The following NTRK3 variants were observed in gnomAD, a reference collection of about 807,000 sequenced individuals.
NTRK3 encodes NT-3 growth factor receptor.
In NTRK3, 24 loss-of-function variants were observed where a neutral mutation model predicts 91.7. The ratio of observed to expected loss-of-function variants is 0.26; its 90% confidence interval spans 0.19 to 0.37. NTRK3 has a LOEUF of 0.37. NTRK3 is among the 10% of genes least tolerant of loss of function. The pLI is 1.00. For missense variants in NTRK3, 880 were observed against 1,068.9 expected, an observed-to-expected ratio of 0.82 and a Z score of 2.46; for synonymous variants, 483 against 404.0, an observed-to-expected ratio of 1.20 and a Z score of -2.34.
chr15:88,134,251 C>A (rs759568638), intron 10 of NTRK3, among the ~76,000 whole-genome samples: 1 of 152,136 alleles, frequency 6.6e-6, no homozygotes, highest in Non-Finnish European at 1.5e-5. Flanking sequence ...TTATCAATTG[C>A]GGAACCCACA....
At chr15:87,920,235 A>C (rs540598874) in intron 17 of NTRK3, among the ~76,000 whole-genome samples, 1 of 152,342 alleles carries the variant, frequency 6.6e-6, no homozygotes, top group African/African-American at 2.4e-5. Flanking sequence ...AGGTTGTAAT[A>C]CTTATAATTA....
At chr15:88,140,584 T>G (rs538261716) in intron 6 of NTRK3, among the ~76,000 whole-genome samples, 7 of 152,288 alleles carry the variant, frequency 4.6e-5, no homozygotes, top group Admixed American at 4.6e-4. Context: ...ATCTACCAAT[T>G]AGAAATTAAC....
chr15:87,993,565 A>G (rs2075446621), intron 14 of NTRK3, among the ~76,000 whole-genome samples: 1 of 152,212 alleles, frequency 6.6e-6, no homozygotes, highest in African/African-American at 2.4e-5. Flanking sequence ...ACTCATACAC[A>G]GAGACACACA....
chr15:88,097,524 C>T (rs1027254023), intron 13 of NTRK3, among the ~76,000 whole-genome samples: 7 of 152,164 alleles, frequency 4.6e-5, no homozygotes, highest in African/African-American at 1.4e-4. Flanking sequence ...TTTATCCTCA[C>T]GCTTAATATA....
chr15:87,995,495 G>A (rs2075621282), intron 14 of NTRK3, among the ~76,000 whole-genome samples: 1 of 152,156 alleles, frequency 6.6e-6, no homozygotes, highest in African/African-American at 2.4e-5. Context: ...AGCCATAGTG[G>A]GGAAGTACAA....
At chr15:87,875,073 C>T (rs1413459840) in exon 19 of NTRK3, 1 of 230,656 alleles carries the variant, frequency 4.3e-6, no homozygotes, top group Non-Finnish European at 8.6e-6. Context: ...AAACCACAAA[C>T]ACATAATTCA....
rs559770246 is a variant in NTRK3, at chr15:88,242,958, A to G, written c.248+12948T>C. Among the ~76,000 whole-genome samples the G allele has an allele frequency of 1.1e-4, 16 of 152,184 alleles. 2 individuals carry two copies. In the South Asian group the frequency reaches 3.3e-3, roughly 32 times the overall value. On this transcript the variant is annotated intron_variant, in intron 3 of 18. Transcript: ENST00000394480. The stretch of plus-strand genomic sequence containing the variant: ...CAGAATATGAGGCCGCCCCTCCAAC[A>G]CCTGCCCTAGGGATGGGAGCCAGAA...
chr15:88,002,437 G>A (rs575094128), intron 14 of NTRK3, among the ~76,000 whole-genome samples: 11 of 152,162 alleles, frequency 7.2e-5, no homozygotes, highest in African/African-American at 1.9e-4. Context: ...CATCCCTGAT[G>A]ACTAAGATTG....
intron 14 of NTRK3, among the ~76,000 whole-genome samples, chr15:88,027,804 T>C (rs1275208678): frequency 6.6e-6 from 1 of 152,120 alleles, no homozygotes; most frequent in Non-Finnish European, 1.5e-5. Flanking sequence ...ACACTAGGAA[T>C]AAACTCAAAG....
At chr15:88,227,320 C>T (rs2050758740) in intron 3 of NTRK3, among the ~76,000 whole-genome samples, 1 of 152,174 alleles carries the variant, frequency 6.6e-6, no homozygotes, top group African/African-American at 2.4e-5. Flanking sequence ...CTCCTCACCC[C>T]CAACATAAAA....
At chr15:88,104,103 G>T (rs1003031379) in intron 13 of NTRK3, among the ~76,000 whole-genome samples, 1 of 152,174 alleles carries the variant, frequency 6.6e-6, no homozygotes, top group African/African-American at 2.4e-5. Flanking sequence ...CTGATCCTGG[G>T]TCAGAGAATA....
chr15:88,089,887 T>C lies in NTRK3; in HGVS notation c.1396+36384A>G, dbSNP rs911582417. ...CTGCTTAAATGGCTGCCAGGGTCTTTGCCATAGCCTAGAAGACCCTATGTG... is the reference window on the plus strand; with the variant it reads ...CTGCTTAAATGGCTGCCAGGGTCTTCGCCATAGCCTAGAAGACCCTATGTG... On this transcript the variant is annotated intron_variant, in intron 13 of 18. Coordinates refer to ENST00000394480, the Ensembl canonical transcript of NTRK3. Among the ~76,000 whole-genome samples, 2 of 152,190 alleles carry C rather than the reference T, an allele frequency of 1.3e-5. 1 individual carries two copies. The highest frequency in any genetic ancestry group is 1.3e-4 in the Admixed American group (2 of 15,282).
chr15:87,988,354 C>G (rs1006821464), intron 14 of NTRK3, among the ~76,000 whole-genome samples: 1 of 152,186 alleles, frequency 6.6e-6, no homozygotes, highest in African/African-American at 2.4e-5. Context: ...AAGTGGTGTT[C>G]TGGATGTGGT....
chr15:88,157,475 T>C (rs184767737), intron 5 of NTRK3, among the ~76,000 whole-genome samples: 1 of 152,118 alleles, frequency 6.6e-6, no homozygotes, highest in Admixed American at 6.5e-5. Flanking sequence ...CCTGGCCTCT[T>C]GATGGGAACA....
chr15:87,945,829 A>C (rs990175514), intron 14 of NTRK3, among the ~76,000 whole-genome samples: 7 of 145,312 alleles, frequency 4.8e-5, no homozygotes, highest in Non-Finnish European at 7.6e-5. Context: ...AAAAAAAAAA[A>C]CAGATCTCTA....
intron 13 of NTRK3, among the ~76,000 whole-genome samples, chr15:88,098,043 G>A (rs56051376): frequency 0.078 from 11,828 of 152,204 alleles, 615 homozygotes; most frequent in Middle Eastern, 0.12. Flanking sequence ...CTTCCATTTT[G>A]CCAAATTTAT....
intron 13 of NTRK3, among the ~76,000 whole-genome samples, chr15:88,065,543 T>A (rs147242666): frequency 6.6e-6 from 1 of 152,102 alleles, no homozygotes; most frequent in Non-Finnish European, 1.5e-5. Flanking sequence ...ACTGGGCAGA[T>A]ACCCCAGAAT....
chr15:88,159,943 T>TACACACACACACACAC lies in NTRK3; in HGVS notation c.396-12556_396-12541dup, dbSNP rs59254719. Among the ~76,000 whole-genome samples the TACACACACACACACAC allele has an allele frequency of 2.9e-3, 322 of 112,038 alleles. 15 individuals are homozygous for TACACACACACACACAC. Among genetic ancestry groups the TACACACACACACACAC allele is most frequent in the East Asian group, 7.8e-3 (26 of 3,322 alleles). 73.5% of individuals were successfully genotyped at this position (112,038 alleles called of 152,430 possible). The stretch of plus-strand genomic sequence containing the variant: ...TGCCTCCCCACCCCACCCAGCCTCC[T>TACACACACACACACAC]ACACACACACACACACACACACACA... On this transcript the variant is annotated intron_variant, in intron 5 of 18. Coordinates refer to ENST00000394480, the Ensembl canonical transcript of NTRK3.
intron 13 of NTRK3, among the ~76,000 whole-genome samples, chr15:88,117,670 T>G (rs1208794124): frequency 6.6e-6 from 1 of 152,166 alleles, no homozygotes; most frequent in Admixed American, 6.5e-5. Flanking sequence ...CCACACAAAT[T>G]AGGTAGCCGA....
Sources: gnomAD v4.1 joint callset for allele counts (sites outside exome capture counted in the v4.1 genomes callset) on GRCh38, gnomAD v4.1.1 for gene constraint, MANE v1.5 for transcripts, NCBI Gene and HGNC (gene_info 2026-07-23, HGNC 2026-07-21) for gene names.